Variants in FAM91A1 observed in about 807,000 individuals in gnomAD.
FAM91A1 encodes the protein protein FAM91A1.
In FAM91A1, 41 loss-of-function variants were observed where a neutral mutation model predicts 113.5. The ratio of observed to expected loss-of-function variants is 0.36; its 90% CI spans 0.28 to 0.47. The LOEUF is 0.47. Among genes scored for constraint, FAM91A1 ranks in the 20% least tolerant of loss-of-function variants. The probability of loss-of-function intolerance (pLI) is 1.00; values close to 1 mark genes in which losing one functional copy is unlikely to be tolerated. For missense variants in FAM91A1, 696 were observed against 1,001.2 expected (o/e 0.70, Z 4.11); for synonymous variants, 307 against 347.9 (o/e 0.88, Z 1.31).
chr8:123,778,635 T>G (rs2130059333), intron 5 of FAM91A1, 24 bp from the exon 6 acceptor site: 1 of 1,565,380 alleles, frequency 6.4e-7, no homozygotes, highest in East Asian at 2.2e-5. Context: ...GATTGCAAAT[T>G]CTCAAATGTT....
intron 8 of FAM91A1, 63 bp downstream of exon 8, chr8:123,780,605 A>G: frequency 3.0e-6 from 4 of 1,326,090 alleles, no homozygotes; most frequent in Non-Finnish European, 4.3e-6. Flanking sequence ...AGCATTGCAT[A>G]TCATCCGTTC....
intron 1 of FAM91A1, among the ~76,000 whole-genome samples, chr8:123,771,532 T>TA (rs1245281762): frequency 2.0e-5 from 3 of 152,122 alleles, no homozygotes; most frequent in South Asian, 2.1e-4. Flanking sequence ...AGAGGACATT[T>TA]AAAAAAATGT....
At chr8:123,791,500 A>C (rs1586383227) in intron 15 of FAM91A1, among the ~76,000 whole-genome samples, 2 of 152,232 alleles carry the variant, frequency 1.3e-5, no homozygotes, top group East Asian at 3.9e-4. Flanking sequence ...CTAACCTTTA[A>C]GGTGGGTTTA....
rs186172793 is a variant in FAM91A1, at chr8:123,808,723, A to G, written c.2138-170A>G. Reference sequence around the variant, plus strand: ...CTAAAAATGCCTATCCTGTTTAGAGATTAACTGACCCCCTTCAATTTCTTC... The same window carrying G: ...CTAAAAATGCCTATCCTGTTTAGAGGTTAACTGACCCCCTTCAATTTCTTC... On this transcript the variant is annotated intron_variant, in intron 21 of 23. Transcript: ENST00000334705. 5.9e-5 allele frequency: 35 copies of G among 597,250 alleles called. 1 individual carries two copies. Among genetic ancestry groups the G allele is most frequent in the African/African-American group, 5.7e-4 (31 of 54,018 alleles). The allele number at this position is 597,250 out of a possible 1,614,324, so 37.0% of individuals were successfully genotyped here.
chr8:123,787,512 C>A, intron 13 of FAM91A1, 139 bp downstream of exon 13: 1 of 970,924 alleles, frequency 1.0e-6, no homozygotes. Flanking sequence ...TAATAACTTT[C>A]AGGGAAGGTC....
intron 1 of FAM91A1, among the ~76,000 whole-genome samples, chr8:123,772,649 C>A (rs200465630): frequency 6.6e-6 from 1 of 152,148 alleles, no homozygotes; most frequent in Admixed American, 6.5e-5. Flanking sequence ...GGGTGCTGCA[C>A]CCCTGTGCAG....
intron 15 of FAM91A1, among the ~76,000 whole-genome samples, chr8:123,795,546 C>T (rs1315248195): frequency 6.6e-6 from 1 of 152,210 alleles, no homozygotes; most frequent in African/African-American, 2.4e-5. Context: ...CCTAAGGCCT[C>T]CTCAGAAGCA....
At chr8:123,777,910 T>C in intron 4 of FAM91A1, 115 bp from the exon 5 acceptor site, 1 of 785,268 alleles carries the variant, frequency 1.3e-6, no homozygotes, top group South Asian at 1.7e-5. Context: ...ATATTGATAT[T>C]TGACTAGTAA....
chr8:123,785,673 G>A lies in FAM91A1; in HGVS notation c.894G>A (p.Lys298=). 1 of 1,609,540 alleles carries A rather than the reference G, an allele frequency of 6.2e-7. No individual in the cohort carries two copies. The highest frequency in any genetic ancestry group is 8.5e-7 in the Non-Finnish European group (1 of 1,178,782). Residue 298 remains lysine (K), a synonymous_variant, in exon 11 of 24, where the codon AAG becomes AAA. Transcript: ENST00000334705. ...GCCGATTGGGCTTTGCCCATAAGAA[G>A]GGACAAGTAATTAATTTGGATCAAC... ...MYCRLGFAHK[K]GQVINLDQLH...
chr8:123,799,391 T>G (rs1815621312), intron 16 of FAM91A1, 129 bp from the exon 17 acceptor site: 2 of 792,214 alleles, frequency 2.5e-6, no homozygotes, highest in East Asian at 5.7e-5. Context: ...AATGAAACAT[T>G]TAAAGTTATT....
intron 8 of FAM91A1, among the ~76,000 whole-genome samples, 172 bp from the exon 9 acceptor site, chr8:123,784,298 C>G (rs1815197390): frequency 6.6e-6 from 1 of 152,164 alleles, no homozygotes; most frequent in African/African-American, 2.4e-5. Context: ...AGAGTCTTCT[C>G]TGTGTACGTA....
chr8:123,810,689 G>C (rs1410779289), intron 23 of FAM91A1: 1 of 317,320 alleles, frequency 3.2e-6, no homozygotes, highest in Non-Finnish European at 5.7e-6. Flanking sequence ...TGCTGGGATG[G>C]GCTGTCTGTT....
At chr8:123,795,356 T>C (rs1040131337) in intron 15 of FAM91A1, among the ~76,000 whole-genome samples, 1 of 152,032 alleles carries the variant, frequency 6.6e-6, no homozygotes, top group African/African-American at 2.4e-5. Flanking sequence ...ATGGGGGCAG[T>C]TTCTCATGGT....
In FAM91A1 at chr8:123,786,532, G is replaced by A. The variant is rs750436007; in HGVS notation, c.1000G>A (p.Asp334Asn). The change falls in exon 12 of 24, where the codon GAT becomes AAT. Residue 334 changes from aspartate to asparagine, a missense_variant. Transcript: ENST00000334705. ...LDPQKMLLSW[D>N]GGESRSPVQE... ...TCCACAGAAGATGCTCTTGTCATGG[G>A]ATGGAGGGGAAAGTAGGAGTCCTGT... 1 of 1,613,992 alleles carries A rather than the reference G, an allele frequency of 6.2e-7. No individual in the cohort carries two copies. The highest frequency in any genetic ancestry group is 2.2e-5 in the East Asian group (1 of 44,870).
chr8:123,805,124 A>C, intron 18 of FAM91A1, 143 bp from the exon 19 acceptor site: 1 of 628,838 alleles, frequency 1.6e-6, no homozygotes, highest in Non-Finnish European at 2.7e-6. Context: ...CTTGCTGAAG[A>C]AAAATAGAAA....
chr8:123,801,481 A>T (rs765596151), intron 18 of FAM91A1, among the ~76,000 whole-genome samples: 1 of 152,258 alleles, frequency 6.6e-6, no homozygotes, highest in Non-Finnish European at 1.5e-5. Context: ...GGTTCTCCGT[A>T]AAGATTTCGT....
chr8:123,780,213 A>G (rs1209076422), intron 7 of FAM91A1, 138 bp downstream of exon 7: 1 of 795,134 alleles, frequency 1.3e-6, no homozygotes, highest in Non-Finnish European at 1.9e-6. Flanking sequence ...ATGTGACCTT[A>G]GTCTTTTGTT....
chr8:123,775,485 T>C (rs1172394478), intron 3 of FAM91A1, among the ~76,000 whole-genome samples, 187 bp downstream of exon 3: 6 of 152,236 alleles, frequency 3.9e-5, no homozygotes, highest in Non-Finnish European at 5.9e-5. Flanking sequence ...CTTATCCTTA[T>C]TGATGTTTTT....
At chr8:123,783,731 G>A (rs888384727) in intron 8 of FAM91A1, among the ~76,000 whole-genome samples, 1 of 152,218 alleles carries the variant, frequency 6.6e-6, no homozygotes, top group African/African-American at 2.4e-5. Context: ...CATAGAGCTT[G>A]TTTTTTATTG....
Sources: allele counts gnomAD v4.1 joint callset (sites outside exome capture counted in the v4.1 genomes callset), GRCh38; gene constraint gnomAD v4.1.1; transcripts MANE v1.5; gene names NCBI Gene and HGNC (gene_info 2026-07-23, HGNC 2026-07-21).